SMIM36: variants seen among roughly 807,000 people sequenced by gnomAD.
The protein encoded by SMIM36 is small integral membrane protein 36.
At chr17:55,465,954 A>C (rs764730567) in intron 4 of SMIM36, among the ~76,000 whole-genome samples, 2 of 152,098 alleles carry the variant, frequency 1.3e-5, no homozygotes, top group Non-Finnish European at 2.9e-5. Context: ...CCAGTAGGGA[A>C]GTGCTTTGAG....
In SMIM36 at chr17:55,501,535, T is replaced by G. The variant is rs1342109881; in HGVS notation, c.*174+9344A>C. On this transcript the variant is annotated intron_variant, in intron 1 of 4. Coordinates refer to ENST00000636752, the Ensembl canonical transcript of SMIM36. ...ATGTATTATATAATATTGTATATAA[T>G]TATATACAATATTATATATATCATT... is the stretch of plus-strand genomic sequence containing the variant. Among the ~76,000 whole-genome samples the G allele has an allele frequency of 5.1e-5, 6 of 118,020 alleles. No individual in the cohort carries two copies. In the South Asian group the frequency reaches 1.4e-3, roughly 27 times the overall value. The allele number at this position is 118,020 out of a possible 152,430, so 77.4% of individuals were successfully genotyped here.
chr17:55,494,708 G>C (rs914348093), intron 1 of SMIM36, among the ~76,000 whole-genome samples: 1 of 151,662 alleles, frequency 6.6e-6, no homozygotes, highest in Admixed American at 6.6e-5. Flanking sequence ...ACACTCACAC[G>C]AGTGCTAAAA....
At chr17:55,515,274 C>CCTAA (rs1422470243), upstream of SMIM36, among the ~76,000 whole-genome samples, 6 of 151,990 alleles carry the variant, frequency 3.9e-5, no homozygotes, top group Non-Finnish European at 5.9e-5. Flanking sequence ...GAGGACATAA[C>CCTAA]CTAACTTTCA....
At chr17:55,525,794 T>C in the SMIM36 span, among the ~76,000 whole-genome samples, 1,545 of 151,682 alleles carry the variant, frequency 0.01, 48 homozygotes, top group East Asian at 0.1. Flanking sequence ...AGTAGATGGG[T>C]CTACAGGCAG....
At chr17:55,456,639 C>T (rs1397115444) in intron 4 of SMIM36, among the ~76,000 whole-genome samples, 2 of 152,142 alleles carry the variant, frequency 1.3e-5, no homozygotes, top group Non-Finnish European at 2.9e-5. Context: ...GTTAAACAGT[C>T]TGTTTAAGGG....
intron 3 of SMIM36, among the ~76,000 whole-genome samples, chr17:55,471,925 A>G (rs1388165962): frequency 6.6e-6 from 1 of 151,970 alleles, no homozygotes; most frequent in African/African-American, 2.4e-5. Flanking sequence ...TGCTCCACTT[A>G]CCCTCTATAG....
chr17:55,500,796 TTTATAATATA>T (rs1302384051), intron 1 of SMIM36, among the ~76,000 whole-genome samples: 1 of 20,152 alleles, frequency 5.0e-5, no homozygotes, highest in Non-Finnish European at 6.8e-5. Flanking sequence ...TATTATATAT[TTTATAATATA>T]TTATAATATA....
At chr17:55,523,547 A>T in the SMIM36 span, among the ~76,000 whole-genome samples, 1 of 151,810 alleles carries the variant, frequency 6.6e-6, no homozygotes, top group Admixed American at 6.6e-5. Flanking sequence ...AAAAAAAAAA[A>T]ACATGTGAGG....
intron 1 of SMIM36, among the ~76,000 whole-genome samples, chr17:55,480,203 T>C (rs760504952): frequency 3.4e-5 from 5 of 145,072 alleles, no homozygotes; most frequent in African/African-American, 5.2e-5. Flanking sequence ...CATAGTGAGC[T>C]GGACAGGAAA....
intron 1 of SMIM36, among the ~76,000 whole-genome samples, chr17:55,483,868 T>C (rs1186231561): frequency 1.3e-5 from 2 of 152,300 alleles, no homozygotes; most frequent in African/African-American, 4.8e-5. Context: ...CCTCAAGTGA[T>C]CTGCCTGCCT....
rs997883819 is a variant in SMIM36 at position 55,458,805 on chromosome 17, C to T, written c.*531+8340G>A. 2.0e-5 allele frequency among the ~76,000 whole-genome samples: 3 copies of T among 152,094 alleles called. 1 individual carries two copies. Among genetic ancestry groups the T allele is most frequent in the East Asian group, 1.9e-4 (1 of 5,176 alleles). ...GCCCAACTGCAGGGGAAGACTACCT[C>T]CCTTGTGGATCCTCCGTCCGCTGAG... is the stretch of plus-strand genomic sequence containing the variant. On this transcript the variant is annotated intron_variant, in intron 4 of 4. Coordinates refer to ENST00000636752, the Ensembl canonical transcript of SMIM36.
chr17:55,474,107 A>T (rs553017106), intron 3 of SMIM36, among the ~76,000 whole-genome samples: 1 of 152,290 alleles, frequency 6.6e-6, no homozygotes, highest in African/African-American at 2.4e-5. Flanking sequence ...TAAAAGGGAT[A>T]GGAATTGCTC....
At chr17:55,530,652 G>T in the SMIM36 span, among the ~76,000 whole-genome samples, 1 of 151,964 alleles carries the variant, frequency 6.6e-6, no homozygotes, top group African/African-American at 2.4e-5. Context: ...GCATGGTGGC[G>T]GGCGCCTGTA....
rs1476984658 is a variant in SMIM36 at position 55,501,215 on chromosome 17, T to G, written c.*174+9664A>C. The stretch of plus-strand genomic sequence containing the variant: ...ATATCTTATATATTATAATATATAA[T>G]ATATATTATATATTATAATATATAA... On this transcript the variant is annotated intron_variant, in intron 1 of 4. Transcript: ENST00000636752. 1.7e-3 allele frequency among the ~76,000 whole-genome samples: 41 copies of G among 24,088 alleles called. 2 individuals are homozygous for G. Among genetic ancestry groups the G allele is most frequent in the East Asian group, 7.8e-3 (4 of 512 alleles). The allele number at this position is 24,088 out of a possible 152,430, so 15.8% of individuals were successfully genotyped here. A position where few individuals can be genotyped will look rare whatever the true frequency, so the allele number is the denominator to read the frequency against.
rs533834248 is a variant in SMIM36, at chr17:55,459,046, T to C, written c.*531+8099A>G. Among the ~76,000 whole-genome samples, 28 of 152,252 alleles carry C rather than the reference T, an allele frequency of 1.8e-4. No individual in the cohort carries two copies. The South Asian group carries it at 2.3e-3, about 12-fold the overall frequency. On this transcript the variant is annotated intron_variant, in intron 4 of 4. Coordinates refer to ENST00000636752, the Ensembl canonical transcript of SMIM36. ...ACGCCCACTGGGGCCTCAGGAGCTGTCAACATTCACCCCTATACACTACTA... is the reference window on the plus strand; with the variant it reads ...ACGCCCACTGGGGCCTCAGGAGCTGCCAACATTCACCCCTATACACTACTA...
intron 1 of SMIM36, among the ~76,000 whole-genome samples, chr17:55,508,723 G>A (rs1308135113): frequency 1.3e-5 from 2 of 151,726 alleles, no homozygotes; most frequent in African/African-American, 4.8e-5. Context: ...GGGAGTTCGA[G>A]ACCAGCCTGG....
chr17:55,454,741 T>A (rs758900295), intron 4 of SMIM36, among the ~76,000 whole-genome samples: 38 of 152,230 alleles, frequency 2.5e-4, no homozygotes, highest in Admixed American at 4.6e-4. Flanking sequence ...CAGGCAAGTT[T>A]AAAACCTCTG....
intron 4 of SMIM36, among the ~76,000 whole-genome samples, chr17:55,453,681 C>T (rs553515588): frequency 1.3e-3 from 191 of 152,212 alleles, no homozygotes; most frequent in Non-Finnish European, 2.5e-3. Flanking sequence ...TTACCAGATC[C>T]CCTGGAAGCC....
At chr17:55,496,541 C>T (rs1553677) in intron 1 of SMIM36, among the ~76,000 whole-genome samples, 47,341 of 152,030 alleles carry the variant, frequency 0.31, 11,177 homozygotes, top group African/African-American at 0.63. Context: ...AACTGTACAA[C>T]AGAGGTAGAT....
Sources: allele counts gnomAD v4.1 joint callset (sites outside exome capture counted in the v4.1 genomes callset), GRCh38; gene constraint gnomAD v4.1.1; transcripts MANE v1.5; gene names NCBI Gene and HGNC (gene_info 2026-07-23, HGNC 2026-07-21).